TRPV5: variants seen among roughly 807,000 people sequenced by gnomAD.
TRPV5 encodes transient receptor potential cation channel subfamily V member 5.
Under a neutral mutation model 74.1 loss-of-function variants are expected in TRPV5, and 66 were observed. The observed-to-expected ratio is 0.89, with a 90% confidence interval of 0.73 to 1.09. The LOEUF is 1.09. Among genes scored for constraint, TRPV5 ranks in the 50% least tolerant of loss-of-function variants. TRPV5 has a pLI of 0.00. For synonymous variants in TRPV5, 399 were observed against 360.7 expected (o/e 1.11, Z -1.20); for missense variants, 936 against 930.4 (o/e 1.01, Z -0.08).
chr7:142,928,607 C>G (rs1796028206), intron 6 of TRPV5, 84 bp downstream of exon 6: 1 of 1,486,522 alleles, frequency 6.7e-7, no homozygotes, highest in Admixed American at 2.4e-5. Flanking sequence ...AAAGGTGGGC[C>G]CTTCACCTCT....
At position 142,908,906 on chromosome 7, in the gene TRPV5, G is replaced by A. The variant is rs1057485548; in HGVS notation, c.1896-98C>T. On this transcript the variant is annotated intron_variant, in intron 14 of 14. Coordinates refer to ENST00000265310, the MANE Select transcript of TRPV5 (RefSeq NM_019841.7). ...TTTAGAAAGCAGGGTCAAGAGGGAA[G>A]CAGAAATAAGGCAGCAGAGTTGAAA... 11 of 1,232,720 alleles carry A rather than the reference G, an allele frequency of 8.9e-6. No homozygotes were observed. In the East Asian group the frequency reaches 2.4e-4, roughly 26 times the overall value. The allele number at this position is 1,232,720 out of a possible 1,614,324, so 76.4% of individuals were successfully genotyped here.
intron 4 of TRPV5, 38 bp from the exon 5 acceptor site, chr7:142,929,158 G>T (rs1191304016): frequency 6.2e-7 from 1 of 1,604,590 alleles, no homozygotes; most frequent in Non-Finnish European, 8.5e-7. Flanking sequence ...GAGAACGCAG[G>T]ATGGCAGGAT....
intron 8 of TRPV5, among the ~76,000 whole-genome samples, chr7:142,924,301 CATATATATATACACACATATACA>C (rs2116596397): frequency 1.1e-5 from 1 of 93,914 alleles, no homozygotes; most frequent in Admixed American, 1.1e-4. Context: ...TATATATATA[CATATATATATACACACATATACA>C]TGTATATATA....
Position 142,909,525 on chromosome 7 carries a change from C to A in TRPV5, c.1860G>T (p.Gly620=), listed in dbSNP as rs1281794167. 5 of 1,614,134 alleles carry A rather than the reference C, an allele frequency of 3.1e-6. No homozygotes were observed. The South Asian group carries it at 4.4e-5, about 14-fold the overall frequency. The change falls in exon 14 of 15, where the codon GGG becomes GGT. Residue 620 remains glycine, a synonymous_variant. Coordinates refer to ENST00000265310, the MANE Select transcript of TRPV5 (RefSeq NM_019841.7). The part of the protein sequence containing the change: ...RCLWPRSGIC[G]CEFGLGDRWF... ...AGCGGTCCCCCAGCCCGAATTCGCA[C>A]CCACAGATCCCGGAGCGAGGCCACA...
chr7:142,915,249 G>A (rs1394182554), intron 10 of TRPV5, 58 bp downstream of exon 10: 2 of 1,594,822 alleles, frequency 1.3e-6, no homozygotes, highest in Admixed American at 1.8e-5. Context: ...GAGTGAGCTG[G>A]AGACAGGAAA....
rs914288087 is a variant in TRPV5, at chr7:142,928,814, G to T, written c.639C>A (p.Cys213Ter). The change falls in exon 6 of 15, where the codon TGC becomes TGA. Residue 213 changes from cysteine to a stop codon, truncating the protein, a stop_gained. Coordinates refer to ENST00000265310, the MANE Select transcript of TRPV5 (RefSeq NM_019841.7). LOFTEE classifies it high-confidence loss of function. ...LILQPNKTFA[C>*]QMYNLLLSYD... ...AGGACAGCAGCAGGTTGTACATCTG[G>T]CAGGCAAAGGTTTTGTTGGGCTGGA... The T allele has an allele frequency of 5.0e-6, 8 of 1,614,166 alleles. No homozygotes were observed. Among genetic ancestry groups the T allele is most frequent in the Non-Finnish European group, 6.8e-6 (8 of 1,180,014 alleles).
intron 12 of TRPV5, 127 bp from the exon 13 acceptor site, chr7:142,912,877 T>TATCTATC (rs1259379259): frequency 8.9e-7 from 1 of 1,119,134 alleles, no homozygotes; most frequent in African/African-American, 1.6e-5. Flanking sequence ...TCTATCTATC[T>TATCTATC]ATCTAAATAC....
chr7:142,908,149 G>A lies in TRPV5; in HGVS notation c.*365C>T, dbSNP rs927333065. On this transcript the variant is annotated 3_prime_UTR_variant, in exon 15 of 15. Transcript: ENST00000265310. ...CTATGCCATGCCTGGCTCTTCCCAC[G>A]TAAGCCCTGGGGAGCCAGAAAAGCC... is the stretch of plus-strand genomic sequence containing the variant. 2 of 257,092 alleles carry A rather than the reference G, an allele frequency of 7.8e-6. No homozygotes were observed. The highest frequency in any genetic ancestry group is 4.9e-5 in the Admixed American group (1 of 20,402). 15.9% of individuals were successfully genotyped at this position (257,092 alleles called of 1,614,324 possible).
At chr7:142,929,397 A>C in intron 4 of TRPV5, 31 bp downstream of exon 4, 1 of 1,605,672 alleles carries the variant, frequency 6.2e-7, no homozygotes, top group Non-Finnish European at 8.5e-7. Context: ...CTCTCCAGCC[A>C]ACCATCCTTC....
At position 142,925,551 on chromosome 7, in the gene TRPV5, A is replaced by C; in HGVS notation, c.1100T>G (p.Ile367Ser). Residue 367 changes from isoleucine to serine, a missense_variant, in exon 8 of 15, where the codon ATC becomes AGC. Coordinates refer to ENST00000265310, the MANE Select transcript of TRPV5 (RefSeq NM_019841.7). ...CACCTGTAGTAGTTTTTGCTGGAGG[A>C]TGGTGATGTCTCGAGAATGAGTGCG... ...GNRTHSRDIT[I>S]LQQKLLQEAY... The C allele has an allele frequency of 6.2e-7, 1 of 1,614,094 alleles. No homozygotes were observed. The highest frequency in any genetic ancestry group is 1.7e-5 in the Admixed American group (1 of 60,012).
rs753626684 is a variant in TRPV5 at position 142,930,355 on chromosome 7, G to T, written c.220C>A (p.Gln74Lys). 4.3e-6 allele frequency: 7 copies of T among 1,613,896 alleles called. No homozygotes were observed. Among genetic ancestry groups the T allele is most frequent in the Non-Finnish European group, 5.9e-6 (7 of 1,179,912 alleles). Reference sequence around the variant, plus strand: ...CATTAAATCCAGATCCCACCTCTTTGTCGAACGTCACAGGTGCAGTCCAGT... The same window carrying T: ...CATTAAATCCAGATCCCACCTCTTTTTCGAACGTCACAGGTGCAGTCCAGT... Reference protein sequence around the residue: ...LLLDCTCDVRQRGALGETALH... With the variant: ...LLLDCTCDVRKRGALGETALH... The change falls in exon 2 of 15, where the codon CAA becomes AAA. Residue 74 changes from glutamine to lysine, a missense_variant. Coordinates refer to ENST00000265310, the MANE Select transcript of TRPV5 (RefSeq NM_019841.7).
intron 5 of TRPV5, 21 bp downstream of exon 5, chr7:142,929,001 C>A (rs1796038962): frequency 1.2e-6 from 2 of 1,613,670 alleles, no homozygotes; most frequent in Non-Finnish European, 1.7e-6. Context: ...TCCCAGCTCC[C>A]CTCCCCATCC....
Position 142,909,834 on chromosome 7 carries a change from T to C in TRPV5, c.1789-238A>G, listed in dbSNP as rs893866544. 2.0e-5 allele frequency among the ~76,000 whole-genome samples: 3 copies of C among 152,220 alleles called. No homozygotes were observed. The South Asian group carries it at 6.2e-4, about 32-fold the overall frequency. Reference sequence around the variant, plus strand: ...GTGTTTTGAATAAAATAGTTGCCCTTACATTACTATTCACTCATGGAGAAT... The same window carrying C: ...GTGTTTTGAATAAAATAGTTGCCCTCACATTACTATTCACTCATGGAGAAT... On this transcript the variant is annotated intron_variant, in intron 13 of 14. Transcript: ENST00000265310.
Position 142,912,650 on chromosome 7 carries a change from A to T in TRPV5, c.1620T>A (p.Val540=), listed in dbSNP as rs888010793. The T allele has an allele frequency of 8.1e-6, 13 of 1,614,126 alleles. No homozygotes were observed. The Admixed American group carries it at 1.3e-4, about 17-fold the overall frequency. The change falls in exon 13 of 15, where the codon GTT becomes GTA. Residue 540 remains valine, a synonymous_variant. Transcript: ENST00000265310. ...LFTTFELFLT[V]IDAPANYDVD... ...CGTCGTAGTTGGCAGGTGCATCAAT[A>T]ACAGTGAGAAAAAGCTCAAAGGTGG...
intron 8 of TRPV5, 112 bp from the exon 9 acceptor site, chr7:142,915,680 C>A: frequency 1.1e-6 from 1 of 927,492 alleles, no homozygotes; most frequent in South Asian, 1.6e-5. Flanking sequence ...CTCCCCTTCC[C>A]ACCAGCATCA....
intron 8 of TRPV5, among the ~76,000 whole-genome samples, chr7:142,924,031 C>T (rs550979913): frequency 6.6e-6 from 1 of 151,938 alleles, no homozygotes; most frequent in Non-Finnish European, 1.5e-5. Flanking sequence ...ATCACTCCTC[C>T]CTCCACTTGC....
intron 1 of TRPV5, among the ~76,000 whole-genome samples, chr7:142,931,938 G>A (rs929363264): frequency 2.8e-4 from 42 of 152,270 alleles, no homozygotes; most frequent in African/African-American, 8.4e-4. Context: ...CTGACCTCAG[G>A]TGATCCACCC....
At chr7:142,913,302 T>G (rs1795734490) in intron 12 of TRPV5, among the ~76,000 whole-genome samples, 2 of 152,192 alleles carry the variant, frequency 1.3e-5, no homozygotes, top group African/African-American at 4.8e-5. Context: ...GCCTACTGGA[T>G]AGCAGTGAGC....
At chr7:142,922,704 G>A (rs756262) in intron 8 of TRPV5, among the ~76,000 whole-genome samples, 116,248 of 152,128 alleles carry the variant, frequency 0.76, 48,382 homozygotes, top group East Asian at 0.96. Flanking sequence ...GCTAAAACCC[G>A]AGCTGCTGGA....
Sources: gnomAD v4.1 joint callset for allele counts (sites outside exome capture counted in the v4.1 genomes callset) on GRCh38, gnomAD v4.1.1 for gene constraint, MANE v1.5 for transcripts, NCBI Gene and HGNC (gene_info 2026-07-23, HGNC 2026-07-21) for gene names.